Variants in NLGN1 observed in about 807,000 individuals in gnomAD.
NLGN1 encodes the protein neuroligin 1.
A neutral mutation model predicts 65.5 loss-of-function variants in NLGN1; 12 were observed. The ratio of observed to expected loss-of-function variants is 0.18; its 90% CI spans 0.12 to 0.30. The LOEUF is 0.30. Among genes scored for constraint, NLGN1 ranks in the 10% least tolerant of loss-of-function variants. The pLI, the probability that NLGN1 is intolerant of heterozygous loss-of-function variation, is 1.00. For missense variants in NLGN1, 750 were observed against 1,007.1 expected, an observed-to-expected ratio of 0.74 and a Z score of 3.46; for synonymous variants, 350 against 359.5, an observed-to-expected ratio of 0.97 and a Z score of 0.30.
chr3:173,779,045 A>G (rs1780738407), intron 3 of NLGN1, among the ~76,000 whole-genome samples: 1 of 151,550 alleles, frequency 6.6e-6, no homozygotes, highest in South Asian at 2.1e-4. Flanking sequence ...AAATACTTTA[A>G]AGAATAAGAA....
chr3:173,989,200 C>T (rs1441104148), intron 4 of NLGN1, among the ~76,000 whole-genome samples: 2 of 152,174 alleles, frequency 1.3e-5, no homozygotes, highest in Non-Finnish European at 2.9e-5. Flanking sequence ...AAAACAGCAT[C>T]AGCATGACTT....
chr3:173,748,765 T>C (rs1272798996), intron 3 of NLGN1, among the ~76,000 whole-genome samples: 1 of 152,102 alleles, frequency 6.6e-6, no homozygotes, highest in Non-Finnish European at 1.5e-5. Flanking sequence ...GTTTGGAAGA[T>C]TTGCATCTCA....
chr3:173,694,091 A>T (rs1765850385), intron 3 of NLGN1, among the ~76,000 whole-genome samples: 1 of 152,138 alleles, frequency 6.6e-6, no homozygotes, highest in Non-Finnish European at 1.5e-5. Context: ...CAACAAAGAG[A>T]GAGCAATGAG....
rs200271018 is a variant in NLGN1 at position 173,672,510 on chromosome 3, C to T, written c.493+67419C>T. 1.1e-4 allele frequency among the ~76,000 whole-genome samples: 17 copies of T among 152,254 alleles called. No homozygotes were observed. The East Asian group carries it at 3.1e-3, about 28-fold the overall frequency. ...TGGATGTATTCTTAATGGCTTTGGA[C>T]AAGTTATTGGTCCTCTGAGAGCTTT... is the stretch of plus-strand genomic sequence containing the variant. On this transcript the variant is annotated intron_variant, in intron 3 of 6. Transcript: ENST00000457714.
intron 2 of NLGN1, among the ~76,000 whole-genome samples, chr3:173,498,843 A>C (rs1447301478): frequency 6.6e-6 from 1 of 151,842 alleles, no homozygotes; most frequent in Non-Finnish European, 1.5e-5. Flanking sequence ...TTGGCTGCAT[A>C]AATATCTTCT....
intron 4 of NLGN1, among the ~76,000 whole-genome samples, chr3:173,891,106 T>C (rs1324249319): frequency 6.6e-6 from 1 of 152,128 alleles, no homozygotes; most frequent in Admixed American, 6.6e-5. Flanking sequence ...AATTCTGTGG[T>C]AAAATAGGAT....
chr3:173,679,975 C>A (rs1763738824), intron 3 of NLGN1, among the ~76,000 whole-genome samples: 1 of 152,006 alleles, frequency 6.6e-6, no homozygotes, highest in African/African-American at 2.4e-5. Context: ...ATCAGGAAAT[C>A]TTCTACAGAA....
chr3:174,186,590 C>T (rs910462344), intron 4 of NLGN1, among the ~76,000 whole-genome samples: 2 of 151,978 alleles, frequency 1.3e-5, no homozygotes, highest in African/African-American at 4.8e-5. Flanking sequence ...GTTTTTTACT[C>T]TGAGTCAGAA....
intron 4 of NLGN1, among the ~76,000 whole-genome samples, chr3:174,265,773 A>ATATATATG (rs1553984486): frequency 1.9e-4 from 23 of 120,290 alleles, no homozygotes; most frequent in Non-Finnish European, 2.9e-4. Flanking sequence ...CTATATATAT[A>ATATATATG]TATATATATG....
intron 4 of NLGN1, among the ~76,000 whole-genome samples, chr3:173,924,789 TAGAAGGTA>T (rs1000428619): frequency 3.6e-4 from 55 of 152,164 alleles, no homozygotes; most frequent in Admixed American, 3.5e-3. Flanking sequence ...AATATTCTTT[TAGAAGGTA>T]TATGGGTAAA....
chr3:174,163,997 A>C (rs930250208), intron 4 of NLGN1, among the ~76,000 whole-genome samples: 1 of 152,046 alleles, frequency 6.6e-6, no homozygotes, highest in Non-Finnish European at 1.5e-5. Context: ...TAAGTTCTTT[A>C]GAAATCTCCA....
At chr3:173,753,997 C>CT (rs199969449) in intron 3 of NLGN1, among the ~76,000 whole-genome samples, 1,471 of 131,446 alleles carry the variant, frequency 0.011, 27 homozygotes, top group African/African-American at 0.039. Flanking sequence ...TCTTCAAGTA[C>CT]TTTTTTTTTC....
intron 4 of NLGN1, among the ~76,000 whole-genome samples, chr3:174,141,005 G>A (rs1577067335): frequency 6.6e-6 from 1 of 151,960 alleles, no homozygotes; most frequent in African/African-American, 2.4e-5. Context: ...GCCAAATAGT[G>A]CAATTTCAGT....
At chr3:174,046,928 GT>G (rs1334822539) in intron 4 of NLGN1, among the ~76,000 whole-genome samples, 3 of 151,906 alleles carry the variant, frequency 2.0e-5, no homozygotes, top group African/African-American at 7.2e-5. Context: ...TTTATAAAAG[GT>G]TTGGAAGTAT....
At position 173,847,619 on chromosome 3, in the gene NLGN1, A is replaced by G. The variant is rs542966664; in HGVS notation, c.646+39787A>G. On this transcript the variant is annotated intron_variant, in intron 4 of 6. Transcript: ENST00000457714. ...TATATTATATTTTAAAATGTATTGT[A>G]TTATTATTTTGGAAGGCTGAGGCAG... 2.6e-5 allele frequency among the ~76,000 whole-genome samples: 4 copies of G among 152,254 alleles called. No individual in the cohort carries two copies. In the South Asian group the frequency reaches 8.3e-4, roughly 32 times the overall value.
At chr3:173,568,823 G>T (rs1279569413) in intron 2 of NLGN1, among the ~76,000 whole-genome samples, 1 of 152,142 alleles carries the variant, frequency 6.6e-6, no homozygotes, top group African/African-American at 2.4e-5. Context: ...ACAGACGCCT[G>T]CCACCATGCC....
chr3:173,951,610 GGATCACCAT>G, intron 4 of NLGN1, among the ~76,000 whole-genome samples: 1 of 151,990 alleles, frequency 6.6e-6, no homozygotes, highest in East Asian at 2.0e-4. Context: ...TTACAGGCAT[GGATCACCAT>G]GCCCAGCTAA....
intron 2 of NLGN1, among the ~76,000 whole-genome samples, chr3:173,603,718 T>C (rs565900733): frequency 6.6e-6 from 1 of 152,200 alleles, no homozygotes; most frequent in South Asian, 2.1e-4. Flanking sequence ...GGAAGTGAGG[T>C]AGTTTCATCT....
chr3:173,987,630 A>G (rs1720232228), intron 4 of NLGN1, among the ~76,000 whole-genome samples: 1 of 152,294 alleles, frequency 6.6e-6, no homozygotes, highest in African/African-American at 2.4e-5. Flanking sequence ...ATCATCATCC[A>G]CAACACCACA....
Sources: gnomAD v4.1 joint callset for allele counts (sites outside exome capture counted in the v4.1 genomes callset) on GRCh38, gnomAD v4.1.1 for gene constraint, MANE v1.5 for transcripts, NCBI Gene and HGNC (gene_info 2026-07-23, HGNC 2026-07-21) for gene names.